Variants in EFCAB8 observed in about 807,000 individuals in gnomAD.
EFCAB8 encodes the protein EF-hand calcium-binding domain-containing protein 8.
In EFCAB8, 100 loss-of-function variants were observed where a neutral mutation model predicts 116.3. That is an observed-to-expected ratio of 0.86 (90% confidence interval 0.73 to 1.02). The LOEUF is 1.02. EFCAB8 is among the 50% of genes least tolerant of loss of function. EFCAB8 has a pLI of 0.00. For synonymous variants in EFCAB8, 558 were observed against 567.9 expected, an observed-to-expected ratio of 0.98 and a Z score of 0.25; for missense variants, 1,320 against 1,416.9, an observed-to-expected ratio of 0.93 and a Z score of 1.10.
chr20:32,889,469 G>T, intron 7 of EFCAB8, 63 bp downstream of exon 7: 1 of 1,475,736 alleles, frequency 6.8e-7, no homozygotes, highest in African/African-American at 1.4e-5. Flanking sequence ...TTTGTGCCTG[G>T]GAGAAGTCTG....
chr20:32,885,138 TC>T (rs35881463), intron 5 of EFCAB8, among the ~76,000 whole-genome samples: 89,768 of 152,074 alleles, frequency 0.59, 27,956 homozygotes, highest in Middle Eastern at 0.74. Flanking sequence ...GCTCACCCTC[TC>T]CTGGGCAGTT....
At position 32,961,257 on chromosome 20, in the gene EFCAB8, A is replaced by G; in HGVS notation, c.3515A>G (p.His1172Arg). 1.9e-6 allele frequency: 3 copies of G among 1,551,480 alleles called. No individual in the cohort carries two copies. The highest frequency in any genetic ancestry group is 2.6e-6 in the Non-Finnish European group (3 of 1,146,768). ...CAGCACATCCGCCTGGTGGCCCACC[A>G]TGTCCAGAAGGACCTGGTGCCCAGC... ...QDQHIRLVAH[H>R]VQKDLVPSRE... The change falls in exon 27 of 27, where the codon CAT becomes CGT. Residue 1172 changes from histidine to arginine, a missense_variant. Transcript: ENST00000400522.
At chr20:32,875,418 G>A (rs568527305) in intron 3 of EFCAB8, among the ~76,000 whole-genome samples, 2 of 151,712 alleles carry the variant, frequency 1.3e-5, no homozygotes, top group Admixed American at 1.3e-4. Flanking sequence ...TCCCTTCTGT[G>A]CCCCCTGCAG....
At chr20:32,864,007 C>T (rs1351179452) in intron 2 of EFCAB8, among the ~76,000 whole-genome samples, 173 bp downstream of exon 2, 5 of 151,494 alleles carry the variant, frequency 3.3e-5, no homozygotes, top group Non-Finnish European at 2.9e-5. Flanking sequence ...GACAGAGTCT[C>T]GCTCTGTCGC....
rs1456879014 is a variant in EFCAB8, at chr20:32,939,820, G to A, written c.2791-3816G>A. Among the ~76,000 whole-genome samples the A allele has an allele frequency of 5.4e-5, 8 of 147,008 alleles. 1 individual carries two copies. The highest frequency in any genetic ancestry group is 9.0e-5 in the Non-Finnish European group (6 of 66,482). On this transcript the variant is annotated intron_variant, in intron 22 of 26. Transcript: ENST00000400522. ...AGCGATTCTCCTGCCTCAGCCTCCC[G>A]AGTAGCTGGGATTACAGGTGCCCGC...
intron 8 of EFCAB8, among the ~76,000 whole-genome samples, chr20:32,892,630 G>T (rs1985972313): frequency 6.6e-6 from 1 of 152,164 alleles, no homozygotes; most frequent in Non-Finnish European, 1.5e-5. Flanking sequence ...GGCAGCTGGA[G>T]GACTAGGGAT....
At chr20:32,869,728 A>G (rs1054979211) in intron 3 of EFCAB8, among the ~76,000 whole-genome samples, 7 of 150,976 alleles carry the variant, frequency 4.6e-5, no homozygotes, top group African/African-American at 1.7e-4. Flanking sequence ...TCTACTGCAG[A>G]TGACTGTGTA....
chr20:32,935,375 T>C (rs977532014), intron 22 of EFCAB8, among the ~76,000 whole-genome samples: 2 of 150,782 alleles, frequency 1.3e-5, no homozygotes, highest in Admixed American at 1.3e-4. Flanking sequence ...TAATTTTGTA[T>C]TTTCAGTAGA....
rs1985995757 is a variant in EFCAB8 at position 32,893,085 on chromosome 20, C to G, written c.759-89C>G. The G allele has an allele frequency of 2.7e-6, 4 of 1,487,838 alleles. No individual in the cohort carries two copies. In the East Asian group the frequency reaches 1.0e-4, roughly 37 times the overall value. 92.2% of individuals were successfully genotyped at this position (1,487,838 alleles called of 1,614,324 possible). A position where few individuals can be genotyped will look rare whatever the true frequency, so the allele number is the denominator to read the frequency against. ...CGAACTCCTGACCTCAGGTGATTAA[C>G]CTACCTTGGCCTCCCAGAGTGCTGG... On this transcript the variant is annotated intron_variant, in intron 8 of 26. Coordinates refer to ENST00000400522, the MANE Select transcript of EFCAB8 (RefSeq NM_001143967.2).
In EFCAB8 at chr20:32,898,604, A is replaced by G. The variant is rs1268108793; in HGVS notation, c.1069A>G (p.Lys357Glu). The stretch of plus-strand genomic sequence containing the variant: ...TCTGGTGCTGACAATATTGCCAGCC[A>G]AAGCCTCTAAGAAACCCAGGTAAGA... The part of the protein sequence containing the change: ...SSLVLTILPA[K>E]ASKKPRLSVL... The change falls in exon 11 of 27, where the codon AAA becomes GAA. Residue 357 changes from lysine (K) to glutamate (E), a missense_variant. Physicochemically the swap from Lys to Glu is moderately conservative, Grantham distance 56. Coordinates refer to ENST00000400522, the MANE Select transcript of EFCAB8 (RefSeq NM_001143967.2). The G allele has an allele frequency of 7.0e-6, 5 of 718,650 alleles. No homozygotes were observed. In the Admixed American group the frequency reaches 1.0e-4, roughly 14 times the overall value. The allele number at this position is 718,650 out of a possible 1,614,324, so 44.5% of individuals were successfully genotyped here. A position where few individuals can be genotyped will look rare whatever the true frequency, so the allele number is the denominator to read the frequency against.
rs557839258 is a variant in EFCAB8, at chr20:32,907,503, C to T, written c.1308+509C>T. Reference sequence around the variant, plus strand: ...CACTGTGCTCCTCTGCAGCTGTAGGCTCAGGATACTGCCCCGTCTGCTGGG... The same window carrying T: ...CACTGTGCTCCTCTGCAGCTGTAGGTTCAGGATACTGCCCCGTCTGCTGGG... On this transcript the variant is annotated intron_variant, in intron 13 of 26. Transcript: ENST00000400522. Among the ~76,000 whole-genome samples the T allele has an allele frequency of 2.0e-4, 31 of 152,330 alleles. No homozygotes were observed. In the South Asian group the frequency reaches 6.0e-3, roughly 30 times the overall value.
intron 23 of EFCAB8, among the ~76,000 whole-genome samples, chr20:32,955,808 G>T (rs2146304207): frequency 1.3e-5 from 2 of 152,246 alleles, no homozygotes; most frequent in Non-Finnish European, 2.9e-5. Flanking sequence ...ATGTAAGGGA[G>T]GGAAAAAGCT....
rs376808324 is a variant in EFCAB8, at chr20:32,917,394, C to T, written c.1950C>T (p.Phe650=). 1.9e-6 allele frequency: 3 copies of T among 1,551,802 alleles called. No individual in the cohort carries two copies. Among genetic ancestry groups the T allele is most frequent in the African/African-American group, 2.7e-5 (2 of 73,040 alleles). The stretch of plus-strand genomic sequence containing the variant: ...GCATGGCCAAGTACCGGAACCAGTT[C>T]CTTGGGACCTCCTCCTACAGTGGGG... ...ILSMAKYRNQ[F]LGTSSYSGDI... Residue 650 remains phenylalanine, a synonymous_variant, in exon 18 of 27, where the codon TTC becomes TTT. Transcript: ENST00000400522.
At chr20:32,939,717 CAG>C (rs1988327462) in intron 22 of EFCAB8, among the ~76,000 whole-genome samples, 2 of 136,292 alleles carry the variant, frequency 1.5e-5, no homozygotes, top group Non-Finnish European at 3.2e-5. Context: ...TTCTATTTGA[CAG>C]AGTCTTGCTC....
rs1988342781 is a variant in EFCAB8 at position 32,940,006 on chromosome 20, T to TG, written c.2791-3630_2791-3629insG. ...CACTGTGCCTGCCTGCCTGCCTGCC[T>TG]CCCTCCCTCCCTCCCTCCCTTCCTT... is the stretch of plus-strand genomic sequence containing the variant. On this transcript the variant is annotated intron_variant, in intron 22 of 26. Transcript: ENST00000400522. Among the ~76,000 whole-genome samples the TG allele has an allele frequency of 1.2e-4, 7 of 59,294 alleles. 1 individual carries two copies. Among genetic ancestry groups the TG allele is most frequent in the African/African-American group, 4.7e-4 (6 of 12,632 alleles). 38.9% of individuals were successfully genotyped at this position (59,294 alleles called of 152,430 possible). A position where few individuals can be genotyped will look rare whatever the true frequency, so the allele number is the denominator to read the frequency against.
In EFCAB8 at chr20:32,888,960, T is replaced by G. The variant is rs574082556; in HGVS notation, c.568-341T>G. On this transcript the variant is annotated intron_variant, in intron 6 of 26. Transcript: ENST00000400522. The stretch of plus-strand genomic sequence containing the variant: ...TCAAGAGTTTGGTTGGTTTTTTTTG[T>G]GGGGGGCGGGGGGCGGACAGGGTCT... 4.1e-3 allele frequency among the ~76,000 whole-genome samples: 573 copies of G among 141,468 alleles called. 5 individuals carry two copies. Among genetic ancestry groups the G allele is most frequent in the African/African-American group, 0.015 (555 of 38,152 alleles). 92.8% of individuals were successfully genotyped at this position (141,468 alleles called of 152,430 possible).
rs1403965477 is a variant in EFCAB8, at chr20:32,931,178, A to G, written c.2632A>G (p.Ile878Val). The change falls in exon 22 of 27, where the codon ATC becomes GTC. Residue 878 changes from isoleucine (I) to valine (V), a missense_variant and splice_region_variant. Ile to Val is a conservative substitution (Grantham distance 29, BLOSUM62 3). Transcript: ENST00000400522. Reference sequence around the variant, plus strand: ...CCACTAACCCACACTTTATGTCTAGATCTGGGACATCAAGGATTACTGCGC... The same window carrying G: ...CCACTAACCCACACTTTATGTCTAGGTCTGGGACATCAAGGATTACTGCGC... ...ITGDCKGYIK[I>V]WDIKDYCALI... is the part of the protein sequence containing the mutation. 6 of 1,539,166 alleles carry G rather than the reference A, an allele frequency of 3.9e-6. No homozygotes were observed. The highest frequency in any genetic ancestry group is 5.3e-6 in the Non-Finnish European group (6 of 1,141,166).
At chr20:32,901,923 TGA>T (rs1986448032) in intron 11 of EFCAB8, among the ~76,000 whole-genome samples, 1 of 152,190 alleles carries the variant, frequency 6.6e-6, no homozygotes, top group South Asian at 2.1e-4. Context: ...CTTGACCTCA[TGA>T]TTCGCCCGCC....
chr20:32,902,045 A>T (rs771330812), intron 11 of EFCAB8, among the ~76,000 whole-genome samples: 4 of 152,224 alleles, frequency 2.6e-5, no homozygotes, highest in Non-Finnish European at 4.4e-5. Flanking sequence ...TTTCAAACAC[A>T]CACAAAAATA....
Sources: gnomAD v4.1 joint callset for allele counts (sites outside exome capture counted in the v4.1 genomes callset) on GRCh38, gnomAD v4.1.1 for gene constraint, MANE v1.5 for transcripts, NCBI Gene and HGNC (gene_info 2026-07-23, HGNC 2026-07-21) for gene names.